Variants in NDST4 observed in about 807,000 individuals in gnomAD.
The protein encoded by NDST4 is N-heparan sulfate sulfotransferase 4.
A neutral mutation model predicts 100.8 loss-of-function variants in NDST4; 63 were observed. The observed-to-expected ratio is 0.62, with a 90% CI of 0.51 to 0.77. The LOEUF (loss-of-function observed/expected upper bound fraction) is 0.77, where lower values mean the gene tolerates loss of function less well. Among genes scored for constraint, NDST4 ranks in the 30% least tolerant of loss-of-function variants. NDST4 has a pLI of 0.00. For synonymous variants in NDST4, 377 were observed against 361.8 expected, an observed-to-expected ratio of 1.04 and a Z score of -0.48; for missense variants, 943 against 1,018.4, an observed-to-expected ratio of 0.93 and a Z score of 1.01.
intron 4 of NDST4, among the ~76,000 whole-genome samples, chr4:114,940,874 T>A (rs1330139001): frequency 6.6e-6 from 1 of 152,214 alleles, no homozygotes; most frequent in Non-Finnish European, 1.5e-5. Flanking sequence ...TTCTCTTCTC[T>A]CCTCTGCTGC....
At position 115,008,960 on chromosome 4, in the gene NDST4, A is replaced by G. The variant is rs1483815464; in HGVS notation, c.979-31686T>C. Among the ~76,000 whole-genome samples the G allele has an allele frequency of 2.3e-5, 3 of 128,150 alleles. 1 individual carries two copies. In the South Asian group the frequency reaches 9.3e-4, roughly 40 times the overall value. 84.1% of individuals were successfully genotyped at this position (128,150 alleles called of 152,430 possible). ...TTGCTTCAAAGAGAATAAAATACCT[A>G]GGAATCCAACTTACAAGGGACATGA... On this transcript the variant is annotated intron_variant, in intron 2 of 13. Coordinates refer to ENST00000264363, the MANE Select transcript of NDST4 (RefSeq NM_022569.3).
At chr4:115,052,880 T>C (rs1728616153) in intron 2 of NDST4, among the ~76,000 whole-genome samples, 2 of 152,112 alleles carry the variant, frequency 1.3e-5, no homozygotes, top group South Asian at 2.1e-4. Flanking sequence ...TAGAGGAAGA[T>C]ATTTACGAAA....
intron 2 of NDST4, among the ~76,000 whole-genome samples, chr4:115,030,163 A>G (rs1728084919): frequency 6.6e-6 from 1 of 152,170 alleles, no homozygotes; most frequent in Non-Finnish European, 1.5e-5. Flanking sequence ...ATAGAGAAAC[A>G]GAAACAATAG....
At chr4:115,074,304 G>A (rs1167272478) in intron 2 of NDST4, among the ~76,000 whole-genome samples, 2 of 151,918 alleles carry the variant, frequency 1.3e-5, no homozygotes, top group Non-Finnish European at 2.9e-5. Context: ...ATTTGAGCTG[G>A]TTAAGTTCAT....
intron 6 of NDST4, among the ~76,000 whole-genome samples, chr4:114,896,688 A>G (rs1724721996): frequency 1.3e-5 from 2 of 152,152 alleles, no homozygotes; most frequent in South Asian, 2.1e-4. Context: ...ATATTATTCT[A>G]GAAATCAACC....
At chr4:115,013,804 A>G (rs1031965942) in intron 2 of NDST4, among the ~76,000 whole-genome samples, 7 of 152,032 alleles carry the variant, frequency 4.6e-5, no homozygotes, top group Non-Finnish European at 7.4e-5. Context: ...AGAAAAGGCC[A>G]GTGGAAGCCA....
intron 2 of NDST4, among the ~76,000 whole-genome samples, chr4:115,011,372 C>G (rs1405623341): frequency 6.6e-6 from 1 of 151,946 alleles, no homozygotes; most frequent in Non-Finnish European, 1.5e-5. Flanking sequence ...ATACTCCATT[C>G]AAGCGTATTT....
intron 6 of NDST4, among the ~76,000 whole-genome samples, chr4:114,899,473 A>C (rs1418670764): frequency 6.6e-6 from 1 of 152,030 alleles, no homozygotes; most frequent in Non-Finnish European, 1.5e-5. Flanking sequence ...CACCACGCCC[A>C]GCCTAGATTT....
chr4:114,905,788 T>G (rs1448277770), intron 6 of NDST4, among the ~76,000 whole-genome samples: 1 of 152,036 alleles, frequency 6.6e-6, no homozygotes, highest in East Asian at 1.9e-4. Flanking sequence ...AGATTCATTT[T>G]AGGTAATCAG....
chr4:114,847,716 A>T (rs951518227), intron 9 of NDST4, among the ~76,000 whole-genome samples: 3 of 152,104 alleles, frequency 2.0e-5, no homozygotes, highest in Non-Finnish European at 4.4e-5. Context: ...TACGTGTGTG[A>T]CTAGAATTGA....
At chr4:114,852,842 T>C in intron 7 of NDST4, 21 bp from the exon 8 acceptor site, 5 of 1,528,848 alleles carry the variant, frequency 3.3e-6, no homozygotes, top group Non-Finnish European at 4.5e-6. Context: ...GAAGAATAAG[T>C]AACCTCACAG....
chr4:115,078,324 A>G (rs190269327), intron 1 of NDST4, among the ~76,000 whole-genome samples: 13 of 152,238 alleles, frequency 8.5e-5, no homozygotes, highest in African/African-American at 3.1e-4. Flanking sequence ...TGTTTAGAAG[A>G]CAGGAAGATG....
chr4:114,898,658 T>C (rs1318851847), intron 6 of NDST4, among the ~76,000 whole-genome samples: 1 of 152,236 alleles, frequency 6.6e-6, no homozygotes, highest in Non-Finnish European at 1.5e-5. Flanking sequence ...TGAGTCTTCC[T>C]ATACACAAAC....
intron 11 of NDST4, among the ~76,000 whole-genome samples, chr4:114,837,928 A>T (rs985462624): frequency 2.6e-5 from 4 of 152,216 alleles, no homozygotes; most frequent in African/African-American, 9.6e-5. Flanking sequence ...AATCCATCTG[A>T]CAGAGGGTTA....
intron 6 of NDST4, among the ~76,000 whole-genome samples, chr4:114,911,998 A>G (rs758010662): frequency 3.9e-5 from 6 of 152,168 alleles, no homozygotes; most frequent in Non-Finnish European, 8.8e-5. Context: ...AGTCTAATAC[A>G]ATATGTTGGT....
intron 1 of NDST4, among the ~76,000 whole-genome samples, chr4:115,089,238 A>C (rs903178738): frequency 6.6e-5 from 10 of 151,948 alleles, no homozygotes; most frequent in African/African-American, 2.2e-4. Context: ...AAAATGGTTT[A>C]TATTTCTATT....
chr4:115,052,034 GATGTGAGCACTTTTTC>G (rs1283890865), intron 2 of NDST4, among the ~76,000 whole-genome samples: 2 of 152,082 alleles, frequency 1.3e-5, no homozygotes, highest in East Asian at 3.9e-4. Flanking sequence ...GATGATTAGT[GATGTGAGCACTTTTTC>G]ATATACCTGT....
intron 2 of NDST4, among the ~76,000 whole-genome samples, chr4:115,011,605 G>C (rs1727549185): frequency 6.6e-6 from 1 of 151,770 alleles, no homozygotes; most frequent in African/African-American, 2.4e-5. Flanking sequence ...AGAAATAGCA[G>C]TTTCAGGTAA....
intron 6 of NDST4, among the ~76,000 whole-genome samples, chr4:114,889,022 T>C (rs1469263586): frequency 6.6e-6 from 1 of 152,160 alleles, no homozygotes; most frequent in Non-Finnish European, 1.5e-5. Context: ...CTGCCAGCTA[T>C]CAGTTCCTCA....
Sources: allele counts gnomAD v4.1 joint callset (sites outside exome capture counted in the v4.1 genomes callset), GRCh38; gene constraint gnomAD v4.1.1; transcripts MANE v1.5; gene names NCBI Gene and HGNC (gene_info 2026-07-23, HGNC 2026-07-21).